Variants in DCLK1 observed in about 807,000 individuals in gnomAD.
DCLK1 encodes the protein serine/threonine-protein kinase DCLK1.
In DCLK1, 16 loss-of-function variants were observed where a neutral mutation model predicts 86.2. The observed-to-expected ratio is 0.19, with a 90% CI of 0.13 to 0.28. The LOEUF (loss-of-function observed/expected upper bound fraction) is 0.28. Among genes scored for constraint, DCLK1 ranks in the 10% least tolerant of loss-of-function variants. DCLK1 has a pLI of 1.00. For synonymous variants in DCLK1, 369 were observed against 370.5 expected (o/e 1.00, Z 0.05); for missense variants, 590 against 940.2 (o/e 0.63, Z 4.87).
intron 3 of DCLK1, among the ~76,000 whole-genome samples, chr13:36,049,758 T>C (rs1479986881): frequency 1.3e-5 from 2 of 152,108 alleles, no homozygotes; most frequent in Non-Finnish European, 2.9e-5. Context: ...GTATAAGTCC[T>C]TACCCTTATA....
chr13:35,828,220 T>C (rs746281726), intron 9 of DCLK1, 30 bp downstream of exon 9: 4 of 1,579,748 alleles, frequency 2.5e-6, no homozygotes, highest in Non-Finnish European at 3.5e-6. Context: ...TTGAACACTC[T>C]TATCTCATAA....
At chr13:35,836,534 A>G (rs1000402791) in intron 7 of DCLK1, among the ~76,000 whole-genome samples, 1 of 152,206 alleles carries the variant, frequency 6.6e-6, no homozygotes, top group Non-Finnish European at 1.5e-5. Context: ...CGCAGTTCGC[A>G]AGGGACTCTG....
At chr13:35,882,571 G>A (rs1872980196) in intron 4 of DCLK1, among the ~76,000 whole-genome samples, 1 of 152,146 alleles carries the variant, frequency 6.6e-6, no homozygotes, top group Non-Finnish European at 1.5e-5. Flanking sequence ...TAGCCTGTAA[G>A]GCCCCTCCCT....
intron 3 of DCLK1, among the ~76,000 whole-genome samples, chr13:36,012,796 TCTC>T (rs1338041341): frequency 1.7e-5 from 1 of 59,982 alleles, no homozygotes; most frequent in Non-Finnish European, 3.1e-5. Context: ...TTGGGGAAGT[TCTC>T]CTGGATAATA....
intron 4 of DCLK1, among the ~76,000 whole-genome samples, chr13:35,913,066 G>T (rs1315172819): frequency 6.6e-6 from 1 of 152,200 alleles, no homozygotes; most frequent in Non-Finnish European, 1.5e-5. Flanking sequence ...CAAGGGGTGA[G>T]AAAATTCCTG....
At chr13:35,983,870 A>C (rs1158736983) in intron 3 of DCLK1, among the ~76,000 whole-genome samples, 3 of 152,098 alleles carry the variant, frequency 2.0e-5, no homozygotes, top group Non-Finnish European at 2.9e-5. Context: ...AGGAGACTGC[A>C]CTGAATTGCA....
At chr13:36,071,351 T>C (rs1225487732) in intron 3 of DCLK1, among the ~76,000 whole-genome samples, 1 of 152,212 alleles carries the variant, frequency 6.6e-6, no homozygotes, top group Non-Finnish European at 1.5e-5. Context: ...TGGCACTTTC[T>C]ATGTGATTTT....
chr13:36,078,366 C>G (rs1190621712), intron 3 of DCLK1, among the ~76,000 whole-genome samples: 1 of 152,182 alleles, frequency 6.6e-6, no homozygotes, highest in Non-Finnish European at 1.5e-5. Context: ...AACACACAGA[C>G]TAAAATGTGG....
At chr13:35,888,828 G>A (rs1403833327) in intron 4 of DCLK1, among the ~76,000 whole-genome samples, 1 of 152,170 alleles carries the variant, frequency 6.6e-6, no homozygotes, top group African/African-American at 2.4e-5. Context: ...GCTGTTGGTG[G>A]CTAGACTTAT....
Position 35,966,122 on chromosome 13 carries a change from A to G in DCLK1, c.724-18665T>C, listed in dbSNP as rs1003895804. ...TGGCCATTATTAACAAATAAACAGA[A>G]AATGGAAAATAACAAGCGTTGGCAA... On this transcript the variant is annotated intron_variant, in intron 3 of 16. Coordinates refer to ENST00000360631, the MANE Select transcript of DCLK1 (RefSeq NM_001330071.2). Among the ~76,000 whole-genome samples, 5 of 152,354 alleles carry G rather than the reference A, an allele frequency of 3.3e-5. No homozygotes were observed. The East Asian group carries it at 7.7e-4, about 24-fold the overall frequency.
chr13:35,959,854 C>CGTGTGTGTGT (rs67600362), intron 3 of DCLK1, among the ~76,000 whole-genome samples: 121 of 149,400 alleles, frequency 8.1e-4, no homozygotes, highest in African/African-American at 2.7e-3. Flanking sequence ...TACAGCAAGT[C>CGTGTGTGTGT]GTGTGTGTGT....
intron 3 of DCLK1, among the ~76,000 whole-genome samples, chr13:36,082,689 GCA>G (rs1884461594): frequency 6.6e-6 from 1 of 152,180 alleles, no homozygotes; most frequent in African/African-American, 2.4e-5. Flanking sequence ...CCCTCAGAGA[GCA>G]CAGTTTGTAA....
intron 4 of DCLK1, among the ~76,000 whole-genome samples, chr13:35,905,076 T>C (rs1231614123): frequency 6.6e-6 from 1 of 152,202 alleles, no homozygotes; most frequent in East Asian, 1.9e-4. Context: ...AGACTACTAA[T>C]GCCTGGCACA....
intron 4 of DCLK1, among the ~76,000 whole-genome samples, chr13:35,909,856 A>G (rs1307913756): frequency 6.6e-6 from 1 of 151,884 alleles, no homozygotes; most frequent in Non-Finnish European, 1.5e-5. Flanking sequence ...AAGAAAACAA[A>G]AATCTCCCCT....
intron 14 of DCLK1, among the ~76,000 whole-genome samples, chr13:35,806,379 A>C (rs900952464): frequency 6.6e-6 from 1 of 152,212 alleles, no homozygotes; most frequent in African/African-American, 2.4e-5. Flanking sequence ...AATACAAAGA[A>C]AAATAGAACT....
chr13:35,787,472 T>C (rs2086644013), intron 16 of DCLK1, among the ~76,000 whole-genome samples: 1 of 152,066 alleles, frequency 6.6e-6, no homozygotes, highest in South Asian at 2.1e-4. Context: ...GGCAGTTGAC[T>C]GGAATAGAAA....
chr13:35,781,580 A>T (rs2086526669), intron 16 of DCLK1, among the ~76,000 whole-genome samples: 1 of 152,242 alleles, frequency 6.6e-6, no homozygotes, highest in African/African-American at 2.4e-5. Flanking sequence ...CATGGCAGTA[A>T]TTATTGGATT....
At chr13:36,015,749 C>G (rs533003170) in intron 3 of DCLK1, among the ~76,000 whole-genome samples, 2 of 152,302 alleles carry the variant, frequency 1.3e-5, no homozygotes, top group South Asian at 4.1e-4. Context: ...AACCAGTGAT[C>G]ATTCCCAAAG....
chr13:36,044,726 T>A, intron 3 of DCLK1, among the ~76,000 whole-genome samples: 1 of 152,122 alleles, frequency 6.6e-6, no homozygotes, highest in Non-Finnish European at 1.5e-5. Context: ...GTGATATGGA[T>A]GCAGGAGGGT....
Sources: gnomAD v4.1 joint callset for allele counts (sites outside exome capture counted in the v4.1 genomes callset) on GRCh38, gnomAD v4.1.1 for gene constraint, MANE v1.5 for transcripts, NCBI Gene and HGNC (gene_info 2026-07-23, HGNC 2026-07-21) for gene names.